Variants in CCDC150 observed in about 807,000 individuals in gnomAD.
CCDC150 encodes the protein coiled-coil domain-containing protein 150.
Under a neutral mutation model 156.5 loss-of-function variants are expected in CCDC150, and 151 were observed. That is an observed-to-expected ratio of 0.97 (90% CI 0.85 to 1.10). CCDC150 has a LOEUF of 1.10. CCDC150 is among the 50% of genes least tolerant of loss of function. The pLI is 0.00. For synonymous variants in CCDC150, 452 were observed against 429.4 expected (o/e 1.05, Z -0.65); for missense variants, 1,312 against 1,268.1 (o/e 1.03, Z -0.53).
chr2:196,683,650 A>G (rs552219611), intron 13 of CCDC150, among the ~76,000 whole-genome samples: 6 of 151,964 alleles, frequency 3.9e-5, no homozygotes, highest in African/African-American at 1.2e-4. Context: ...GCTTTCTTGT[A>G]TGTAGAAGGT....
chr2:196,693,363 A>T (rs1457133915), intron 13 of CCDC150, among the ~76,000 whole-genome samples: 1 of 152,216 alleles, frequency 6.6e-6, no homozygotes, highest in African/African-American at 2.4e-5. Flanking sequence ...TCAGCACATC[A>T]TATCTTAGAC....
chr2:196,728,381 C>T (rs1343749287), intron 22 of CCDC150, among the ~76,000 whole-genome samples: 1 of 152,144 alleles, frequency 6.6e-6, no homozygotes, highest in African/African-American at 2.4e-5. Flanking sequence ...AGAAAAGGTA[C>T]AGATATCCTT....
intron 13 of CCDC150, among the ~76,000 whole-genome samples, chr2:196,693,038 G>A (rs922744638): frequency 4.6e-5 from 7 of 152,142 alleles, no homozygotes; most frequent in African/African-American, 1.7e-4. Context: ...AATTCTTGTT[G>A]AATTGAACTC....
intron 21 of CCDC150, among the ~76,000 whole-genome samples, chr2:196,723,298 C>G (rs1478609649): frequency 6.6e-6 from 1 of 152,068 alleles, no homozygotes; most frequent in African/African-American, 2.4e-5. Flanking sequence ...GTCAGGAGAT[C>G]GAGACCATCC....
At chr2:196,686,336 T>C in intron 13 of CCDC150, 1 of 155,408 alleles carries the variant, frequency 6.4e-6, no homozygotes, top group Non-Finnish European at 1.4e-5. Flanking sequence ...ACTATGATTA[T>C]TGTAGCTTTA....
At chr2:196,676,367 A>G in intron 11 of CCDC150, 100 bp downstream of exon 11, 1 of 1,475,944 alleles carries the variant, frequency 6.8e-7, no homozygotes, top group Admixed American at 2.0e-5. Context: ...AAAACATTTG[A>G]TTCTGCATTT....
intron 15 of CCDC150, among the ~76,000 whole-genome samples, chr2:196,709,387 TC>T (rs1250125462): frequency 3.3e-5 from 5 of 152,224 alleles, no homozygotes; most frequent in Non-Finnish European, 7.3e-5. Flanking sequence ...CACTGTTTTT[TC>T]TAGTTAGCCA....
intron 21 of CCDC150, among the ~76,000 whole-genome samples, chr2:196,722,810 C>G (rs999732107): frequency 5.9e-5 from 9 of 151,990 alleles, no homozygotes; most frequent in African/African-American, 1.9e-4. Flanking sequence ...TGTTTCAAAG[C>G]CTGAAAATTA....
chr2:196,671,427 CTT>C (rs397987214), intron 8 of CCDC150, among the ~76,000 whole-genome samples: 29 of 108,646 alleles, frequency 2.7e-4, no homozygotes, highest in African/African-American at 7.8e-4. Context: ...TTTTCTCTCT[CTT>C]TTTTTTTTTT....
intron 7 of CCDC150, among the ~76,000 whole-genome samples, chr2:196,668,416 C>T (rs1693990136): frequency 6.6e-6 from 1 of 151,654 alleles, no homozygotes. Flanking sequence ...AGTTGGCCCT[C>T]TGAATTTTTA....
intron 1 of CCDC150, among the ~76,000 whole-genome samples, chr2:196,640,701 T>C (rs75338413): frequency 6.6e-6 from 1 of 152,372 alleles, no homozygotes; most frequent in East Asian, 1.9e-4. Context: ...ATCTCATATC[T>C]AATGCATCAG....
Position 196,646,443 on chromosome 2 carries a change from G to A in CCDC150, c.115G>A (p.Val39Ile). 1 of 1,613,882 alleles carries A rather than the reference G, an allele frequency of 6.2e-7. No individual in the cohort carries two copies. The highest frequency in any genetic ancestry group is 8.5e-7 in the Non-Finnish European group (1 of 1,179,762). ...AGTACTTCAGCAAAGGATGAGAATA[G>A]TTGAGGAACAGACCAGTTCACTGAG... The part of the protein sequence containing the change: ...FTVLQQRMRI[V>I]EEQTSSLRDD... Residue 39 changes from valine (V) to isoleucine (I), a missense_variant, in exon 2 of 28, where the codon GTT (valine) becomes ATT (isoleucine). Val to Ile is a conservative substitution (Grantham distance 29). Transcript: ENST00000389175.
intron 15 of CCDC150, among the ~76,000 whole-genome samples, chr2:196,704,485 A>AT (rs1338684359): frequency 6.6e-6 from 1 of 152,166 alleles, no homozygotes; most frequent in African/African-American, 2.4e-5. Context: ...GGATGTGCAT[A>AT]TCCTAAGTTT....
rs2125654170 is a variant in CCDC150, at chr2:196,695,740, G to T, written c.1623+581G>T. Among the ~76,000 whole-genome samples, 2 of 151,772 alleles carry T rather than the reference G, an allele frequency of 1.3e-5. 1 individual carries two copies. The highest frequency in any genetic ancestry group is 4.2e-4 in the South Asian group (2 of 4,766). ...TGCCTGTAGTTCCAGCTACTCGGGA[G>T]GCGGAGCTTGCAGTGAGCCAAGATC... On this transcript the variant is annotated intron_variant, in intron 14 of 27. Coordinates refer to ENST00000389175, the MANE Select transcript of CCDC150 (RefSeq NM_001080539.2).
At position 196,721,361 on chromosome 2, in the gene CCDC150, T is replaced by TATATATATATACACACATATATAC. The variant is rs146765179; in HGVS notation, c.2260-153_2260-152insATACACACATATATACATATATAT. Among the ~76,000 whole-genome samples the TATATATATATACACACATATATAC allele has an allele frequency of 4.0e-5, 2 of 49,812 alleles. 1 individual carries two copies. The highest frequency in any genetic ancestry group is 5.9e-4 in the Admixed American group (2 of 3,404). The allele number at this position is 49,812 out of a possible 152,430, so 32.7% of individuals were successfully genotyped here. ...ATTCATATATGTGTGTGCATATATA[T>TATATATATATACACACATATATAC]ATATATATTTTCCAGGCAGCTGGAA... On this transcript the variant is annotated intron_variant, in intron 20 of 27. Coordinates refer to ENST00000389175, the MANE Select transcript of CCDC150 (RefSeq NM_001080539.2).
intron 1 of CCDC150, among the ~76,000 whole-genome samples, chr2:196,646,065 G>T (rs929812177): frequency 6.6e-6 from 1 of 152,176 alleles, no homozygotes; most frequent in Admixed American, 6.5e-5. Flanking sequence ...AATGGGTTGT[G>T]GGTCTGTTTG....
chr2:196,731,041 G>C (rs2125722537), intron 26 of CCDC150, 96 bp downstream of exon 26: 1 of 796,756 alleles, frequency 1.3e-6, no homozygotes, highest in East Asian at 2.7e-5. Context: ...CATTAACGTA[G>C]TTGTCAGGAA....
At chr2:196,723,169 T>A (rs562328024) in intron 21 of CCDC150, among the ~76,000 whole-genome samples, 1 of 152,262 alleles carries the variant, frequency 6.6e-6, no homozygotes, top group Admixed American at 6.5e-5. Context: ...CAGGCTTAGT[T>A]CTAAGAAGAG....
At chr2:196,677,882 C>T (rs4850402) in intron 13 of CCDC150, among the ~76,000 whole-genome samples, 116,683 of 151,632 alleles carry the variant, frequency 0.77, 45,027 homozygotes, top group East Asian at 0.84. Context: ...CCCAGCTACT[C>T]GGGAGGCTGA....
Sources: gnomAD v4.1 joint callset for allele counts (sites outside exome capture counted in the v4.1 genomes callset) on GRCh38, gnomAD v4.1.1 for gene constraint, MANE v1.5 for transcripts, NCBI Gene and HGNC (gene_info 2026-07-23, HGNC 2026-07-21) for gene names.